Variants in HOXD3 observed in about 807,000 individuals in gnomAD.
The protein encoded by HOXD3 is homeobox D3, also known as homeobox protein Hox-D3.
Under a neutral mutation model 32.8 loss-of-function variants are expected in HOXD3, and 13 were observed. The ratio of observed to expected loss-of-function variants is 0.40; its 90% CI spans 0.26 to 0.63. The LOEUF is 0.63. Ranked by LOEUF, HOXD3 falls within the 20% of genes least tolerant of loss-of-function variation. The pLI is 0.44. For missense variants in HOXD3, 504 were observed against 577.1 expected, an observed-to-expected ratio of 0.87 and a Z score of 1.30; for synonymous variants, 241 against 246.8, an observed-to-expected ratio of 0.98 and a Z score of 0.22.
upstream of HOXD3, among the ~76,000 whole-genome samples, chr2:176,154,117 T>A (rs1424940981): frequency 6.6e-6 from 1 of 151,132 alleles, no homozygotes; most frequent in Non-Finnish European, 1.5e-5. Flanking sequence ...AGCCTTAGAG[T>A]TTTTTTCCCC....
At position 176,172,964 on chromosome 2, in the gene HOXD3, A is replaced by G. The variant is rs1437383427; in HGVS notation, c.*690A>G. Reference sequence around the variant, plus strand: ...ACCGCAAATTGTCCTTCATGGGTAGAGTCAGGAAGCCCGGTGGCGTGGCAC... The same window carrying G: ...ACCGCAAATTGTCCTTCATGGGTAGGGTCAGGAAGCCCGGTGGCGTGGCAC... On this transcript the variant is annotated 3_prime_UTR_variant, in exon 4 of 4. Transcript: ENST00000683222. 1 of 152,686 alleles carries G rather than the reference A, an allele frequency of 6.5e-6. No homozygotes were observed. Among genetic ancestry groups the G allele is most frequent in the Non-Finnish European group, 1.5e-5 (1 of 68,060 alleles). The allele number at this position is 152,686 out of a possible 1,614,324, so 9.5% of individuals were successfully genotyped here. A position where few individuals can be genotyped will look rare whatever the true frequency, so the allele number is the denominator to read the frequency against.
chr2:176,172,144 G>T lies in HOXD3; in HGVS notation c.1169G>T (p.Ser390Ile), dbSNP rs758491106. 4 of 1,613,222 alleles carry T rather than the reference G, an allele frequency of 2.5e-6. No individual in the cohort carries two copies. The highest frequency in any genetic ancestry group is 1.1e-5 in the South Asian group (1 of 91,088). The change falls in exon 4 of 4, where the codon AGT becomes ATT. Residue 390 changes from serine to isoleucine, a missense_variant. Physicochemically the swap from Ser to Ile is moderately radical, Grantham distance 142. Transcript: ENST00000683222. ...CCGTCGTCGGCCAGCGTGGACTACA[G>T]TTGCGCCGCGCAGATTCCAGGCAAC... ...SHPSSASVDY[S>I]CAAQIPGNHH...
intron 1 of HOXD3, chr2:176,160,974 G>T (rs1048334967): frequency 1.3e-5 from 2 of 152,374 alleles, no homozygotes; most frequent in African/African-American, 2.4e-5. Flanking sequence ...GCAAGACCAG[G>T]GTTGGGACAG....
chr2:176,165,320 A>G (rs1690930487), intron 2 of HOXD3: 1 of 152,156 alleles, frequency 6.6e-6, no homozygotes, highest in Non-Finnish European at 1.5e-5. Context: ...AGCGCCTTTT[A>G]TTTATTTGGT....
At position 176,172,374 on chromosome 2, in the gene HOXD3, C is replaced by G. The variant is rs565065120; in HGVS notation, c.*100C>G. On this transcript the variant is annotated 3_prime_UTR_variant, in exon 4 of 4. Transcript: ENST00000683222. ...GGGGCAGTTCGGGAACCCCCTTCCC[C>G]GCTCTTGCCCTGCCGCCGCCTCCCG... 6.9e-5 allele frequency: 83 copies of G among 1,203,748 alleles called. 2 individuals are homozygous for G. The East Asian group carries it at 1.7e-3, about 24-fold the overall frequency. The allele number at this position is 1,203,748 out of a possible 1,614,324, so 74.6% of individuals were successfully genotyped here.
intron 1 of HOXD3, among the ~76,000 whole-genome samples, chr2:176,160,051 G>A (rs1690748712): frequency 6.6e-6 from 1 of 152,236 alleles, no homozygotes; most frequent in South Asian, 2.1e-4. Context: ...CGCGGAACGA[G>A]CCACGGAATG....
chr2:176,158,969 T>A (rs1690714975), intron 1 of HOXD3, among the ~76,000 whole-genome samples: 1 of 152,160 alleles, frequency 6.6e-6, no homozygotes. Flanking sequence ...CGGGCTATTT[T>A]ATCAGTGTGA....
chr2:176,168,276 A>AC (rs1354017637), intron 2 of HOXD3, among the ~76,000 whole-genome samples: 3 of 150,948 alleles, frequency 2.0e-5, no homozygotes, highest in Non-Finnish European at 3.0e-5. Context: ...AAAAAAAAAA[A>AC]AAAACTAAGA....
upstream of HOXD3, among the ~76,000 whole-genome samples, chr2:176,156,491 T>TC (rs1489685111): frequency 6.6e-6 from 1 of 152,042 alleles, no homozygotes; most frequent in East Asian, 1.9e-4. Context: ...ACCTTACTGG[T>TC]CCCCCACCCC....
chr2:176,170,350 G>T (rs953261843), intron 3 of HOXD3, among the ~76,000 whole-genome samples: 9 of 152,202 alleles, frequency 5.9e-5, no homozygotes, highest in African/African-American at 1.9e-4. Flanking sequence ...GCCTGTCCTA[G>T]TAGGAGAGGA....
intron 3 of HOXD3, 94 bp from the exon 4 acceptor site, chr2:176,171,423 G>A (rs1320283196): frequency 3.0e-5 from 35 of 1,147,908 alleles, no homozygotes; most frequent in Non-Finnish European, 3.7e-5. Context: ...TGGGGGGAGG[G>A]AGGAGGAAAA....
At chr2:176,166,620 T>C (rs1419810327) in intron 2 of HOXD3, among the ~76,000 whole-genome samples, 1 of 152,220 alleles carries the variant, frequency 6.6e-6, no homozygotes, top group African/African-American at 2.4e-5. Context: ...GAGAATGATA[T>C]ATAAAATTAA....
chr2:176,163,680 ATTCT>A (rs1690878953), intron 1 of HOXD3, among the ~76,000 whole-genome samples: 1 of 151,986 alleles, frequency 6.6e-6, no homozygotes, highest in African/African-American at 2.4e-5. Context: ...CCCCACCTTA[ATTCT>A]GCACGGTCTC....
chr2:176,169,008 G>A, intron 2 of HOXD3, 23 bp from the exon 3 acceptor site: 1 of 1,474,336 alleles, frequency 6.8e-7, no homozygotes, highest in Non-Finnish European at 9.0e-7. Flanking sequence ...TCCCTCTGGG[G>A]CCTCTTGCTT....
chr2:176,170,064 A>G (rs1691122263), intron 3 of HOXD3, among the ~76,000 whole-genome samples: 3 of 152,194 alleles, frequency 2.0e-5, no homozygotes, highest in African/African-American at 7.2e-5. Context: ...CATAAAAACT[A>G]AAGTCTTAGA....
chr2:176,169,026 G>C lies in HOXD3; in HGVS notation c.-84-5G>C. On this transcript the variant is annotated splice_polypyrimidine_tract_variant and splice_region_variant and intron_variant, in intron 2 of 3. Transcript: ENST00000683222. The stretch of plus-strand genomic sequence containing the variant: ...CTCTGGGGCCTCTTGCTTTTCTTCT[G>C]ACAGGTCACCTGGAGCCTGGGGGCC... 1 of 1,498,214 alleles carries C rather than the reference G, an allele frequency of 6.7e-7. No homozygotes were observed. Among genetic ancestry groups the C allele is most frequent in the Non-Finnish European group, 8.9e-7 (1 of 1,125,476 alleles). 92.8% of individuals were successfully genotyped at this position (1,498,214 alleles called of 1,614,324 possible). A position where few individuals can be genotyped will look rare whatever the true frequency, so the allele number is the denominator to read the frequency against.
rs776245802 is a variant in HOXD3 at position 176,169,373 on chromosome 2, A to C, written c.259A>C (p.Asn87His). The change falls in exon 3 of 4, where the codon AAT (asparagine) becomes CAT (histidine). Residue 87 changes from asparagine to histidine, a missense_variant. Asn to His is a moderately conservative substitution (Grantham distance 68, BLOSUM62 1). Transcript: ENST00000683222. ...RAPAHKGAEL[N>H]GSCMRPGTGN... ...CCCAGCCCACAAAGGAGCTGAACTC[A>C]ATGGCAGCTGCATGCGGCCGGGCAC... 1.2e-5 allele frequency: 20 copies of C among 1,613,852 alleles called. No individual in the cohort carries two copies. The highest frequency in any genetic ancestry group is 1.5e-5 in the Non-Finnish European group (18 of 1,179,970).
At chr2:176,169,814 C>T (rs1691114727) in intron 3 of HOXD3, among the ~76,000 whole-genome samples, 159 bp downstream of exon 3, 2 of 152,106 alleles carry the variant, frequency 1.3e-5, no homozygotes, top group South Asian at 2.1e-4. Flanking sequence ...GGGGTCATGA[C>T]CTTGCAGTGA....
At chr2:176,154,690 G>A (rs370625785), upstream of HOXD3, among the ~76,000 whole-genome samples, 50 of 152,310 alleles carry the variant, frequency 3.3e-4, no homozygotes, top group East Asian at 8.1e-3. Context: ...CTGAAATTCC[G>A]CTTCTCTGAA....
Sources: allele counts gnomAD v4.1 joint callset (sites outside exome capture counted in the v4.1 genomes callset), GRCh38; gene constraint gnomAD v4.1.1; transcripts MANE v1.5; gene names NCBI Gene and HGNC (gene_info 2026-07-23, HGNC 2026-07-21).